The following MAP7 variants were observed in gnomAD, a reference collection of about 807,000 sequenced individuals.
The protein encoded by MAP7 is ensconsin.
In MAP7, 52 loss-of-function variants were observed where a neutral mutation model predicts 94.8. The ratio of observed to expected loss-of-function variants is 0.55; its 90% confidence interval spans 0.44 to 0.69. The LOEUF (loss-of-function observed/expected upper bound fraction) is 0.69, where lower values mean the gene tolerates loss of function less well. Among genes scored for constraint, MAP7 ranks in the 30% least tolerant of loss-of-function variants. The pLI is 0.00. For missense variants in MAP7, 940 were observed against 964.6 expected (o/e 0.97, Z 0.34); for synonymous variants, 350 against 357.0 (o/e 0.98, Z 0.22).
At chr6:136,363,415 C>G (rs1428834903) in intron 10 of MAP7, among the ~76,000 whole-genome samples, 1 of 152,234 alleles carries the variant, frequency 6.6e-6, no homozygotes, top group Non-Finnish European at 1.5e-5. Flanking sequence ...CAAGCTCTGG[C>G]CCCTGGCTGC....
chr6:136,365,931 A>G lies in MAP7; in HGVS notation c.1077T>C (p.Ala359=). 1 of 1,614,068 alleles carries G rather than the reference A, an allele frequency of 6.2e-7. No individual in the cohort carries two copies. The highest frequency in any genetic ancestry group is 8.5e-7 in the Non-Finnish European group (1 of 1,180,026). The change falls in exon 10 of 18, where the codon GCT becomes GCC. Residue 359 remains alanine, a synonymous_variant. Transcript: ENST00000354570. The part of the protein sequence containing the change: ...LPPGSVKAAP[A]QVRPPSPGNI... Reference sequence around the variant, plus strand: ...TGCCGGGGGATGGGGGCCGGACCTGAGCAGGAGCAGCTTTGACTGAGCCGG... The same window carrying G: ...TGCCGGGGGATGGGGGCCGGACCTGGGCAGGAGCAGCTTTGACTGAGCCGG...
intron 1 of MAP7, among the ~76,000 whole-genome samples, chr6:136,426,673 C>G (rs1226946310): frequency 1.3e-5 from 2 of 152,116 alleles, no homozygotes; most frequent in Admixed American, 6.6e-5. Flanking sequence ...ACTACCAAGG[C>G]AAAGAGGCAG....
chr6:136,429,150 G>A (rs1030578024), intron 1 of MAP7, among the ~76,000 whole-genome samples: 34 of 152,112 alleles, frequency 2.2e-4, no homozygotes, highest in African/African-American at 7.5e-4. Context: ...CATCAGAAGA[G>A]AAAAAATATC....
At chr6:136,436,494 C>T (rs1796413140) in intron 1 of MAP7, among the ~76,000 whole-genome samples, 2 of 151,874 alleles carry the variant, frequency 1.3e-5, no homozygotes, top group African/African-American at 4.8e-5. Flanking sequence ...ATCCTTCTGC[C>T]TCAGCCTCCC....
rs778114449 is a variant in MAP7, at chr6:136,360,765, C to G, written c.1735G>C (p.Glu579Gln). The G allele has an allele frequency of 4.3e-6, 7 of 1,613,996 alleles. No individual in the cohort carries two copies. The African/African-American group carries it at 6.7e-5, about 15-fold the overall frequency. ...EEEARVREEAERVRQEREKHF... is the reference protein window; with the variant it reads ...EEEARVREEAQRVRQEREKHF... ...TTCTCTCGTTCCTGCCGGACCCTCT[C>G]TGCTTCTTCACGAACGCGAGCTTCT... The change falls in exon 13 of 18, where the codon GAG becomes CAG. Residue 579 changes from glutamate to glutamine, a missense_variant. Transcript: ENST00000354570.
chr6:136,525,298 C>T (rs1827520990), intron 1 of MAP7, among the ~76,000 whole-genome samples: 1 of 152,212 alleles, frequency 6.6e-6, no homozygotes, highest in South Asian at 2.1e-4. Flanking sequence ...CCTCCACATT[C>T]GCCCTCAATG....
chr6:136,537,279 G>C (rs1440391324), intron 1 of MAP7, among the ~76,000 whole-genome samples: 1 of 152,112 alleles, frequency 6.6e-6, no homozygotes, highest in East Asian at 1.9e-4. Flanking sequence ...GGATACCGAG[G>C]ATTGAATCTG....
At chr6:136,533,633 G>A (rs1828652270) in intron 1 of MAP7, among the ~76,000 whole-genome samples, 1 of 152,192 alleles carries the variant, frequency 6.6e-6, no homozygotes, top group Non-Finnish European at 1.5e-5. Flanking sequence ...GACTGTACAA[G>A]GAGCACAGTG....
At position 136,441,197 on chromosome 6, in the gene MAP7, G is replaced by T. The variant is rs138382333; in HGVS notation, c.68-19398C>A. ...CCGCATGCTGATTTCATTTCTGGCAGATATATACCCAGCAGCATAAAATAA... is the reference window on the plus strand; with the variant it reads ...CCGCATGCTGATTTCATTTCTGGCATATATATACCCAGCAGCATAAAATAA... On this transcript the variant is annotated intron_variant, in intron 1 of 17. Transcript: ENST00000354570. Among the ~76,000 whole-genome samples the T allele has an allele frequency of 5.8e-3, 888 of 152,276 alleles. 17 individuals are homozygous for T. The highest frequency in any genetic ancestry group is 0.02 in the African/African-American group (825 of 41,546).
At chr6:136,538,730 G>A (rs750997608) in intron 1 of MAP7, among the ~76,000 whole-genome samples, 23 of 146,964 alleles carry the variant, frequency 1.6e-4, no homozygotes, top group Admixed American at 1.0e-3. Flanking sequence ...TGTCAAAGCT[G>A]CAGTGAGCCA....
At chr6:136,369,394 C>T (rs749447365) in intron 8 of MAP7, among the ~76,000 whole-genome samples, 1 of 151,978 alleles carries the variant, frequency 6.6e-6, no homozygotes, top group South Asian at 2.1e-4. Context: ...GCCTACATGG[C>T]GAAACCCTCT....
rs530820702 is a variant in MAP7, at chr6:136,430,058, G to T, written c.68-8259C>A. On this transcript the variant is annotated intron_variant, in intron 1 of 17. Transcript: ENST00000354570. ...TATTAAAGTTTTCCAGTCACACGGA[G>T]AAATGGTAAATCAGAGACTGTAGTT... 1.2e-4 allele frequency among the ~76,000 whole-genome samples: 19 copies of T among 152,322 alleles called. No individual in the cohort carries two copies. The South Asian group carries it at 3.9e-3, about 32-fold the overall frequency.
chr6:136,524,529 C>T (rs1420235531), intron 1 of MAP7, among the ~76,000 whole-genome samples: 1 of 152,178 alleles, frequency 6.6e-6, no homozygotes, highest in Non-Finnish European at 1.5e-5. Context: ...AGTCACCCTC[C>T]AGTCATAGCA....
chr6:136,430,953 C>T (rs1794720670), intron 1 of MAP7, among the ~76,000 whole-genome samples: 1 of 152,182 alleles, frequency 6.6e-6, no homozygotes, highest in East Asian at 1.9e-4. Flanking sequence ...AGTGGTCCAC[C>T]GGTTACCACT....
intron 4 of MAP7, 38 bp downstream of exon 4, chr6:136,389,316 A>G (rs1780028719): frequency 6.6e-7 from 1 of 1,512,256 alleles, no homozygotes; most frequent in Non-Finnish European, 8.8e-7. Context: ...TGTCTGAACT[A>G]GAGGAGCCAC....
At chr6:136,520,506 G>T (rs138251940) in intron 1 of MAP7, among the ~76,000 whole-genome samples, 2 of 152,314 alleles carry the variant, frequency 1.3e-5, no homozygotes, top group African/African-American at 4.8e-5. Flanking sequence ...AAAGAGGAGT[G>T]AGTCCTGGCC....
intron 1 of MAP7, among the ~76,000 whole-genome samples, chr6:136,547,519 C>T (rs971408108): frequency 6.6e-6 from 1 of 151,986 alleles, no homozygotes; most frequent in Admixed American, 6.5e-5. Context: ...TCAAAAAAGG[C>T]TGAAAAAGGA....
chr6:136,525,369 C>T (rs184125290), intron 1 of MAP7, among the ~76,000 whole-genome samples: 37 of 152,258 alleles, frequency 2.4e-4, no homozygotes, highest in Admixed American at 1.7e-3. Flanking sequence ...ACATTTTGAC[C>T]CTCTGCCTAG....
rs200579930 is a variant in MAP7 at position 136,550,322 on chromosome 6, T to A, written c.67+20A>T. 3.4e-5 allele frequency: 51 copies of A among 1,501,800 alleles called. No homozygotes were observed. The African/African-American group carries it at 6.6e-4, about 19-fold the overall frequency. 93.0% of individuals were successfully genotyped at this position (1,501,800 alleles called of 1,614,324 possible). ...GTCCCCTGCCCGACGGGACCCCCAC[T>A]ATCCCCGCTGTGCGGTCACCTGTTT... is the stretch of plus-strand genomic sequence containing the variant. On this transcript the variant is annotated intron_variant, in intron 1 of 17. Transcript: ENST00000354570. The surrounding 1 kb of genome is among the most constrained non-coding windows in gnomAD (Gnocchi z 5.1).
Sources: gnomAD v4.1 joint callset for allele counts (sites outside exome capture counted in the v4.1 genomes callset) on GRCh38, gnomAD v4.1.1 for gene constraint, Gnocchi (gnomAD v3.1) non-coding constraint, MANE v1.5 for transcripts, NCBI Gene and HGNC (gene_info 2026-07-23, HGNC 2026-07-21) for gene names.